Variants in PCNX2 observed in about 807,000 individuals in gnomAD.
PCNX2 encodes pecanex-like protein 2.
A neutral mutation model predicts 223.8 loss-of-function variants in PCNX2; 168 were observed. The ratio of observed to expected loss-of-function variants is 0.75; its 90% CI spans 0.66 to 0.85. The LOEUF (loss-of-function observed/expected upper bound fraction) is 0.85, where lower values mean the gene tolerates loss of function less well. Ranked by LOEUF, PCNX2 falls within the 40% of genes least tolerant of loss-of-function variation. The pLI is 0.00. For synonymous variants in PCNX2, 1,006 were observed against 1,052.6 expected (o/e 0.96, Z 0.86); for missense variants, 2,507 against 2,675.5 (o/e 0.94, Z 1.39).
At chr1:233,173,266 A>G (rs1679269797) in intron 17 of PCNX2, among the ~76,000 whole-genome samples, 1 of 152,010 alleles carries the variant, frequency 6.6e-6, no homozygotes, top group Non-Finnish European at 1.5e-5. Context: ...TCCCGGGTTC[A>G]AGTGATTCTC....
intron 26 of PCNX2, chr1:233,019,070 G>T: frequency 1.0e-6 from 1 of 985,304 alleles, no homozygotes; most frequent in Non-Finnish European, 1.2e-6. Flanking sequence ...AAGTTTACTT[G>T]GGTATCTGGT....
At chr1:233,051,443 CT>C (rs1447437082) in intron 25 of PCNX2, among the ~76,000 whole-genome samples, 1 of 152,168 alleles carries the variant, frequency 6.6e-6, no homozygotes, top group African/African-American at 2.4e-5. Flanking sequence ...TGGAATCAAC[CT>C]AGGTGCCCAT....
At chr1:232,985,948 C>A in intron 33 of PCNX2, 144 bp downstream of exon 33, 1 of 896,088 alleles carries the variant, frequency 1.1e-6, no homozygotes, top group Non-Finnish European at 1.8e-6. Context: ...TAATCACTGT[C>A]CTTTGTCACT....
At chr1:233,290,851 C>T in intron 1 of PCNX2, 1 of 985,416 alleles carries the variant, frequency 1.0e-6, no homozygotes, top group African/African-American at 1.7e-5. Context: ...GAAAGACAGG[C>T]TTTCTGTCCA....
intron 9 of PCNX2, chr1:233,232,985 G>T (rs1658157999): frequency 1.0e-6 from 1 of 985,274 alleles, no homozygotes; most frequent in Admixed American, 6.1e-5. Flanking sequence ...GAATGAGTTG[G>T]AGACCATATC....
At chr1:233,014,029 T>G (rs1437500329) in intron 28 of PCNX2, among the ~76,000 whole-genome samples, 1 of 152,140 alleles carries the variant, frequency 6.6e-6, no homozygotes, top group Non-Finnish European at 1.5e-5. Context: ...CTGATGAAAT[T>G]TTAAGAGCAG....
intron 21 of PCNX2, among the ~76,000 whole-genome samples, chr1:233,111,271 A>C (rs1675100292): frequency 6.6e-6 from 1 of 152,144 alleles, no homozygotes; most frequent in African/African-American, 2.4e-5. Context: ...GTGCCTACCT[A>C]CCTCAGCAAT....
intron 21 of PCNX2, among the ~76,000 whole-genome samples, chr1:233,124,070 T>C (rs1165397746): frequency 3.9e-5 from 6 of 152,260 alleles, no homozygotes; most frequent in African/African-American, 1.2e-4. Flanking sequence ...ATAAAGTTTC[T>C]ACTGCACTGG....
Position 233,141,773 on chromosome 1 carries a change from A to G in PCNX2, c.3518-1918T>C, listed in dbSNP as rs11589819. ...GGTATATATGTGTGTGTATATGTAT[A>G]TGTGTGTGTGTGTGTGTGTGTGTGT... On this transcript the variant is annotated intron_variant, in intron 19 of 33. Coordinates refer to ENST00000258229, the MANE Select transcript of PCNX2 (RefSeq NM_014801.4). 8.6e-4 allele frequency among the ~76,000 whole-genome samples: 126 copies of G among 146,284 alleles called. 1 individual carries two copies. The highest frequency in any genetic ancestry group is 1.9e-3 in the African/African-American group (75 of 38,854).
At chr1:233,287,251 A>T (rs1279963857) in intron 1 of PCNX2, among the ~76,000 whole-genome samples, 1 of 152,150 alleles carries the variant, frequency 6.6e-6, no homozygotes, top group Non-Finnish European at 1.5e-5. Context: ...TGTGAGAGGG[A>T]AGTTATATTT....
chr1:233,235,957 A>AATAT lies in PCNX2; in HGVS notation c.2358+884_2358+887dup, dbSNP rs1553319644. On this transcript the variant is annotated intron_variant, in intron 9 of 33. Transcript: ENST00000258229. ...ATGTGGCAAAGCAATCATAAAAAAA[A>AATAT]ATATATATATATATATATATATATA... Among the ~76,000 whole-genome samples the AATAT allele has an allele frequency of 6.0e-3, 558 of 93,018 alleles. 1 individual carries two copies. The highest frequency in any genetic ancestry group is 0.012 in the South Asian group (35 of 2,884). The allele number at this position is 93,018 out of a possible 152,430, so 61.0% of individuals were successfully genotyped here.
At chr1:233,031,507 A>G (rs1671262940) in intron 25 of PCNX2, among the ~76,000 whole-genome samples, 1 of 152,258 alleles carries the variant, frequency 6.6e-6, no homozygotes, top group Admixed American at 6.5e-5. Flanking sequence ...ATGGTGGCAG[A>G]TAAAGAAAGG....
the PCNX2 span, among the ~76,000 whole-genome samples, chr1:233,312,059 C>T: frequency 2.0e-5 from 3 of 151,954 alleles, no homozygotes; most frequent in Admixed American, 1.3e-4. Context: ...ACCCGGGAGG[C>T]GGAGGTTGCA....
rs1044541766 is a variant in PCNX2 at position 233,262,025 on chromosome 1, C to T, written c.480+20G>A. ...TCGAAATCACATGAAGAGGGTGAAA[C>T]AGGAAAGAAGACCACTAACCAATGG... On this transcript the variant is annotated intron_variant, in intron 3 of 33. Coordinates refer to ENST00000258229, the MANE Select transcript of PCNX2 (RefSeq NM_014801.4). 5 of 1,613,202 alleles carry T rather than the reference C, an allele frequency of 3.1e-6. No individual in the cohort carries two copies. The highest frequency in any genetic ancestry group is 4.2e-6 in the Non-Finnish European group (5 of 1,179,394).
intron 1 of PCNX2, among the ~76,000 whole-genome samples, chr1:233,267,309 G>A (rs959823901): frequency 3.3e-5 from 5 of 151,948 alleles, no homozygotes; most frequent in South Asian, 2.1e-4. Context: ...CGACAAGAGC[G>A]AAACTCCATC....
chr1:233,168,840 C>G (rs1043295917), intron 17 of PCNX2, among the ~76,000 whole-genome samples: 1 of 152,056 alleles, frequency 6.6e-6, no homozygotes, highest in Non-Finnish European at 1.5e-5. Context: ...GAGATTTCAT[C>G]TTGACACAAT....
intron 33 of PCNX2, 25 bp from the exon 34 acceptor site, chr1:232,984,502 T>C (rs1669394778): frequency 1.2e-6 from 2 of 1,606,092 alleles, no homozygotes; most frequent in East Asian, 4.5e-5. Context: ...AGAGAAACAG[T>C]GAACAGCTCA....
intron 23 of PCNX2, among the ~76,000 whole-genome samples, chr1:233,085,842 C>A (rs1673574296): frequency 6.6e-6 from 1 of 152,152 alleles, no homozygotes; most frequent in Admixed American, 6.5e-5. Flanking sequence ...AGTTCCGATT[C>A]CCTATTTCAG....
At chr1:233,228,929 A>G (rs1005549067) in intron 9 of PCNX2, among the ~76,000 whole-genome samples, 3 of 152,242 alleles carry the variant, frequency 2.0e-5, no homozygotes, top group South Asian at 2.1e-4. Flanking sequence ...GCTGACAAAT[A>G]TAAGACACAG....
Sources: allele counts gnomAD v4.1 joint callset (sites outside exome capture counted in the v4.1 genomes callset), GRCh38; gene constraint gnomAD v4.1.1; transcripts MANE v1.5; gene names NCBI Gene and HGNC (gene_info 2026-07-23, HGNC 2026-07-21).